Variants in PDE4C observed in about 807,000 individuals in gnomAD.
The protein encoded by PDE4C is 3',5'-cyclic-AMP phosphodiesterase 4C.
Under a neutral mutation model 63.9 loss-of-function variants are expected in PDE4C, and 50 were observed. The observed-to-expected ratio is 0.78, with a 90% CI of 0.62 to 0.99. The LOEUF is 0.99. Ranked by LOEUF, PDE4C falls within the 50% of genes least tolerant of loss-of-function variation. PDE4C has a pLI of 0.00. For synonymous variants in PDE4C, 377 were observed against 385.1 expected, an observed-to-expected ratio of 0.98 and a Z score of 0.25; for missense variants, 777 against 899.1, an observed-to-expected ratio of 0.86 and a Z score of 1.74.
At chr19:18,252,159 G>A (rs774748744), upstream of PDE4C, 1 of 399,264 alleles carries the variant, frequency 2.5e-6, no homozygotes, top group Non-Finnish European at 4.4e-6. Flanking sequence ...CAGGGATTCG[G>A]AACTGGGGAG....
chr19:18,240,543 T>C (rs1331463556), intron 1 of PDE4C, among the ~76,000 whole-genome samples: 1 of 151,154 alleles, frequency 6.6e-6, no homozygotes, highest in Admixed American at 6.6e-5. Flanking sequence ...CCGGCCAACA[T>C]GCTGAAACCC....
chr19:18,213,545 T>C, intron 12 of PDE4C, 55 bp from the exon 13 acceptor site: 1 of 1,538,228 alleles, frequency 6.5e-7, no homozygotes. Flanking sequence ...ACCCCAACCC[T>C]CACTCCCAAC....
chr19:18,255,288 G>A, the PDE4C span: 6 of 399,174 alleles, frequency 1.5e-5, no homozygotes, highest in African/African-American at 8.2e-5. This position sits in a 1 kb window ranked among gnomAD's most constrained non-coding sequence, Gnocchi z 4.6. Flanking sequence ...CAGAAGTGGC[G>A]GCAGCTGGGG....
chr19:18,213,475 T>A (rs1482860285), exon 13 of PDE4C: 2 of 1,612,594 alleles, frequency 1.2e-6, no homozygotes, highest in South Asian at 2.2e-5. Context: ...TGTTTGGACA[T>A]GTCTGTGGCC....
At chr19:18,255,183 C>T in the PDE4C span, 2 of 398,174 alleles carry the variant, frequency 5.0e-6, no homozygotes, top group East Asian at 3.6e-5. The surrounding 1 kb of genome is among the most constrained non-coding windows in gnomAD (Gnocchi z 4.6). Context: ...CCCACCCTTC[C>T]GCTTTCTGGA....
At chr19:18,245,761 A>G in intron 1 of PDE4C, among the ~76,000 whole-genome samples, 1 of 152,244 alleles carries the variant, frequency 6.6e-6, no homozygotes, top group Non-Finnish European at 1.5e-5. Flanking sequence ...CTTGGCACAC[A>G]GCGGGTGCCC....
rs181998847 is a variant in PDE4C at position 18,220,652 on chromosome 19, G to C, written c.500-137C>G. The stretch of plus-strand genomic sequence containing the variant: ...CCAGGACTCCTGGACCCAAGTTCCA[G>C]ATCTGTTCCCCGAGTGCCTGTGTGA... On this transcript the variant is annotated intron_variant, in intron 5 of 14. Coordinates refer to ENST00000262805, the Ensembl canonical transcript of PDE4C. This position sits in a 1 kb window ranked among gnomAD's most constrained non-coding sequence, Gnocchi z 5.1. 1,291 of 834,604 alleles carry C rather than the reference G, an allele frequency of 1.5e-3. 3 individuals carry two copies. The highest frequency in any genetic ancestry group is 1.9e-3 in the Non-Finnish European group (987 of 528,074). The allele number at this position is 834,604 out of a possible 1,614,324, so 51.7% of individuals were successfully genotyped here. A position where few individuals can be genotyped will look rare whatever the true frequency, so the allele number is the denominator to read the frequency against.
At chr19:18,210,796 G>C (rs1012227844) in exon 15 of PDE4C, 1 of 1,437,706 alleles carries the variant, frequency 7.0e-7, no homozygotes, top group African/African-American at 1.4e-5. Flanking sequence ...CTATAACTAA[G>C]AGCTTGATTG....
upstream of PDE4C, chr19:18,250,007 C>A (rs929562401): frequency 1.8e-5 from 7 of 397,902 alleles, no homozygotes; most frequent in African/African-American, 1.4e-4. Flanking sequence ...TCACACGAGT[C>A]CATAACTCGT....
upstream of PDE4C, among the ~76,000 whole-genome samples, chr19:18,226,641 T>C (rs149386578): frequency 1.6e-3 from 228 of 144,158 alleles, 4 homozygotes; most frequent in African/African-American, 5.2e-3. Flanking sequence ...GATCTCGCTG[T>C]GTTGCCCAGG....
chr19:18,232,884 C>G, intron 1 of PDE4C: 1 of 1,409,190 alleles, frequency 7.1e-7, no homozygotes, highest in East Asian at 2.7e-5. Context: ...GGACCCTCCC[C>G]CACTCCCGCC....
chr19:18,211,515 A>G (rs1967938976), intron 14 of PDE4C, among the ~76,000 whole-genome samples: 1 of 152,096 alleles, frequency 6.6e-6, no homozygotes, highest in South Asian at 2.1e-4. Flanking sequence ...TGTCCCCCAG[A>G]CTGGAAGCCC....
At chr19:18,219,234 C>A in exon 8 of PDE4C, 1 of 1,614,162 alleles carries the variant, frequency 6.2e-7, no homozygotes, top group Non-Finnish European at 8.5e-7. Context: ...GGGGACCCAC[C>A]TTGGCCAGTT....
At chr19:18,218,608 TGAGATG>T in intron 9 of PDE4C, 110 bp from the exon 10 acceptor site, 1 of 1,217,244 alleles carries the variant, frequency 8.2e-7, no homozygotes, top group Non-Finnish European at 1.2e-6. Flanking sequence ...CCTGCTCCTC[TGAGATG>T]CCCTCTGTGC....
At chr19:18,210,036 T>G (rs1293417083), downstream of PDE4C, 3 of 152,042 alleles carry the variant, frequency 2.0e-5, no homozygotes, top group African/African-American at 7.3e-5. Context: ...TTCTTTTTAT[T>G]TTTAGACAGG....
chr19:18,223,464 C>T (rs1968581871), intron 1 of PDE4C, among the ~76,000 whole-genome samples: 1 of 152,202 alleles, frequency 6.6e-6, no homozygotes, highest in Non-Finnish European at 1.5e-5. Flanking sequence ...CCCGCCTTGG[C>T]CTCCCAAAGT....
chr19:18,242,945 C>T (rs911230367), intron 1 of PDE4C, among the ~76,000 whole-genome samples: 1 of 152,004 alleles, frequency 6.6e-6, no homozygotes, highest in Non-Finnish European at 1.5e-5. Context: ...CTGCTGTGGC[C>T]AATTTGGAGA....
the PDE4C span, among the ~76,000 whole-genome samples, chr19:18,254,014 T>C: frequency 3.3e-5 from 5 of 152,172 alleles, no homozygotes; most frequent in Non-Finnish European, 7.4e-5. Flanking sequence ...ACACTGGCCC[T>C]GAGAGGGGGC....
chr19:18,240,151 T>A (rs1969012472), intron 1 of PDE4C, among the ~76,000 whole-genome samples: 1 of 150,974 alleles, frequency 6.6e-6, no homozygotes, highest in Non-Finnish European at 1.5e-5. Flanking sequence ...AAAATAAAAA[T>A]AAAAAAGCTG....
Sources: allele counts gnomAD v4.1 joint callset (sites outside exome capture counted in the v4.1 genomes callset), GRCh38; gene constraint gnomAD v4.1.1; non-coding constraint Gnocchi (gnomAD v3.1); transcripts MANE v1.5; gene names NCBI Gene and HGNC (gene_info 2026-07-23, HGNC 2026-07-21).